ITGA3: variants seen among roughly 807,000 people sequenced by gnomAD.
The protein encoded by ITGA3 is integrin subunit alpha 3, also known as integrin alpha-3.
ITGA3 carries 70 observed loss-of-function variants against 131.1 expected under a neutral mutation model. The observed-to-expected ratio is 0.53, with a 90% CI of 0.44 to 0.65. The LOEUF (loss-of-function observed/expected upper bound fraction) is 0.65. Among genes scored for constraint, ITGA3 ranks in the 30% least tolerant of loss-of-function variants. The pLI is 0.00. For missense variants in ITGA3, 1,098 were observed against 1,388.6 expected (o/e 0.79, Z 3.33); for synonymous variants, 537 against 571.6 (o/e 0.94, Z 0.86).
intron 16 of ITGA3, 111 bp from the exon 17 acceptor site, chr17:50,077,935 G>A (rs981151654): frequency 2.4e-6 from 2 of 826,654 alleles, no homozygotes; most frequent in Middle Eastern, 3.7e-4. Flanking sequence ...ATAGGAGGAG[G>A]AGGAGAAGGC....
chr17:50,073,943 G>A lies in ITGA3; in HGVS notation c.1184G>A (p.Gly395Asp), dbSNP rs765120355. ...QDIAVGAPFE[G>D]LGKVYIYHSS... ...ATTGCTGTGGGAGCTCCGTTTGAAG[G>A]CTTGGGCAAAGTGTACATCTATCAC... Residue 395 changes from glycine to aspartate, a missense_variant, in exon 8 of 26, where the codon GGC becomes GAC. This residue lies in a region of ITGA3 where 356 missense variants were observed against 529.2 expected (regional missense o/e 0.67). Transcript: ENST00000320031. 8 of 1,614,042 alleles carry A rather than the reference G, an allele frequency of 5.0e-6. 1 individual carries two copies. The highest frequency in any genetic ancestry group is 1.3e-5 in the African/African-American group (1 of 74,922).
rs1202287056 is a variant in ITGA3 at position 50,056,430 on chromosome 17, G to C, written c.-10G>C. The C allele has an allele frequency of 6.8e-7, 1 of 1,475,816 alleles. No homozygotes were observed. The highest frequency in any genetic ancestry group is 2.7e-5 in the East Asian group (1 of 36,862). The allele number at this position is 1,475,816 out of a possible 1,614,324, so 91.4% of individuals were successfully genotyped here. A position where few individuals can be genotyped will look rare whatever the true frequency, so the allele number is the denominator to read the frequency against. On this transcript the variant is annotated 5_prime_UTR_variant, in exon 1 of 26. Coordinates refer to ENST00000320031, the MANE Select transcript of ITGA3 (RefSeq NM_002204.4). This position sits in a 1 kb window ranked among gnomAD's most constrained non-coding sequence, Gnocchi z 5.6. ...GCGCTCTCGCCGGGACCCCGCTTCCGCTGGCAGCCATGGGCCCCGGCCCCA... is the reference window on the plus strand; with the variant it reads ...GCGCTCTCGCCGGGACCCCGCTTCCCCTGGCAGCCATGGGCCCCGGCCCCA...
intron 23 of ITGA3, chr17:50,086,406 C>G (rs180929126): frequency 6.6e-6 from 1 of 150,598 alleles, no homozygotes; most frequent in Admixed American, 6.7e-5. Flanking sequence ...AGAACAAACA[C>G]GGCTGGGCAC....
At chr17:50,059,555 A>G (rs1907981943) in intron 1 of ITGA3, among the ~76,000 whole-genome samples, 4 of 152,190 alleles carry the variant, frequency 2.6e-5, no homozygotes, top group Admixed American at 6.5e-5. Context: ...GCCAGCAGAA[A>G]TGGGCACAGC....
At chr17:50,087,539 C>T in intron 23 of ITGA3, 1 of 532,274 alleles carries the variant, frequency 1.9e-6, no homozygotes, top group South Asian at 3.0e-5. Context: ...GGCCGCTCCT[C>T]TGGAGTCAAG....
Position 50,078,820 on chromosome 17 carries a change from C to G in ITGA3, c.2298-4C>G, listed in dbSNP as rs1215807679. The G allele has an allele frequency of 6.3e-7, 1 of 1,583,858 alleles. No individual in the cohort carries two copies. Among genetic ancestry groups the G allele is most frequent in the East Asian group, 2.2e-5 (1 of 44,740 alleles). ...CGTGACTCCAGCATCCTTCTTACCC[C>G]TAGGGTAAATCACCGGCTACAAAGC... is the stretch of plus-strand genomic sequence containing the variant. On this transcript the variant is annotated splice_region_variant and splice_polypyrimidine_tract_variant and intron_variant, in intron 18 of 25. Transcript: ENST00000320031.
In ITGA3 at chr17:50,078,303, C is replaced by T. The variant is rs774305894; in HGVS notation, c.2297+19C>T. ...TTAGCATGTGGGTACCGCTCTCCACCACCCCCACCCCAGCCTGCTGTGCCT... is the reference window on the plus strand; with the variant it reads ...TTAGCATGTGGGTACCGCTCTCCACTACCCCCACCCCAGCCTGCTGTGCCT... On this transcript the variant is annotated intron_variant, in intron 18 of 25. Coordinates refer to ENST00000320031, the MANE Select transcript of ITGA3 (RefSeq NM_002204.4). 2 of 1,599,574 alleles carry T rather than the reference C, an allele frequency of 1.3e-6. No individual in the cohort carries two copies. The highest frequency in any genetic ancestry group is 1.7e-6 in the Non-Finnish European group (2 of 1,168,754).
In ITGA3 at chr17:50,076,198, C is replaced by T. The variant is rs1598190755; in HGVS notation, c.1675-128C>T. 5 of 1,066,534 alleles carry T rather than the reference C, an allele frequency of 4.7e-6. No homozygotes were observed. In the East Asian group the frequency reaches 1.2e-4, roughly 26 times the overall value. 66.1% of individuals were successfully genotyped at this position (1,066,534 alleles called of 1,614,324 possible). On this transcript the variant is annotated intron_variant, in intron 12 of 25. Transcript: ENST00000320031. ...TTTGGCGACCGGACTGGAGGGAGTTCAGCCTAACTGTCAGGTTTTCAGGGT... is the reference window on the plus strand; with the variant it reads ...TTTGGCGACCGGACTGGAGGGAGTTTAGCCTAACTGTCAGGTTTTCAGGGT...
Position 50,089,971 on chromosome 17 carries a change from G to T in ITGA3, c.*893G>T. 4.8e-6 allele frequency: 1 copy of T among 210,504 alleles called. No individual in the cohort carries two copies. The highest frequency in any genetic ancestry group is 1.0e-5 in the Non-Finnish European group (1 of 99,560). 13.0% of individuals were successfully genotyped at this position (210,504 alleles called of 1,614,324 possible). A position where few individuals can be genotyped will look rare whatever the true frequency, so the allele number is the denominator to read the frequency against. On this transcript the variant is annotated 3_prime_UTR_variant, in exon 26 of 26. Coordinates refer to ENST00000320031, the MANE Select transcript of ITGA3 (RefSeq NM_002204.4). Reference sequence around the variant, plus strand: ...GGAACAAAGACAGGCAAACGGCAACGTAGCCTGGGCTCACTGTGCTGGGGC... The same window carrying T: ...GGAACAAAGACAGGCAAACGGCAACTTAGCCTGGGCTCACTGTGCTGGGGC...
chr17:50,079,008 G>A (rs1167790619), intron 19 of ITGA3, 68 bp from the exon 20 acceptor site: 3 of 1,531,774 alleles, frequency 2.0e-6, no homozygotes, highest in East Asian at 2.3e-5. Context: ...AGGTGGGAGG[G>A]TTGGGGGTTG....
chr17:50,085,678 A>G (rs866812463), intron 23 of ITGA3, among the ~76,000 whole-genome samples: 5 of 123,292 alleles, frequency 4.1e-5, no homozygotes, highest in Non-Finnish European at 7.2e-5. Context: ...AAATATATAT[A>G]TTATAGATTT....
chr17:50,066,447 G>C (rs1420531707), intron 3 of ITGA3, among the ~76,000 whole-genome samples: 1 of 151,816 alleles, frequency 6.6e-6, no homozygotes, highest in Non-Finnish European at 1.5e-5. Context: ...GGCCTCCCAA[G>C]TAGTTGGGAT....
rs994296608 is a variant in ITGA3, at chr17:50,071,232, G to C, written c.752-79G>C. ...GAACATCATGGTGGGGGGCAAGAGA[G>C]GGAATAGGGAGATGGGTCCAGAGTA... On this transcript the variant is annotated intron_variant, in intron 5 of 25. Coordinates refer to ENST00000320031, the MANE Select transcript of ITGA3 (RefSeq NM_002204.4). 55 of 1,260,232 alleles carry C rather than the reference G, an allele frequency of 4.4e-5. No individual in the cohort carries two copies. The Middle Eastern group carries it at 7.4e-4, about 17-fold the overall frequency. The allele number at this position is 1,260,232 out of a possible 1,614,324, so 78.1% of individuals were successfully genotyped here.
chr17:50,076,544 G>A (rs754497153), intron 13 of ITGA3, 40 bp from the exon 14 acceptor site: 2 of 1,286,202 alleles, frequency 1.6e-6, no homozygotes, highest in Non-Finnish European at 2.0e-6. Flanking sequence ...AGGGCACTGG[G>A]GGGGGTGGTG....
rs898139838 is a variant in ITGA3, at chr17:50,064,305, C to T, written c.334+101C>T. ...GGAGATAGAAGGCTTGTTCACACGG[C>T]TTCTAGTCGCTTCTTGTCCAGCTGG... is the stretch of plus-strand genomic sequence containing the variant. On this transcript the variant is annotated intron_variant, in intron 2 of 25. Transcript: ENST00000320031. This position sits in a 1 kb window ranked among gnomAD's most constrained non-coding sequence, Gnocchi z 4.4. The T allele has an allele frequency of 6.3e-6, 9 of 1,423,754 alleles. No homozygotes were observed. The African/African-American group carries it at 8.5e-5, about 13-fold the overall frequency. 88.2% of individuals were successfully genotyped at this position (1,423,754 alleles called of 1,614,324 possible).
At chr17:50,074,772 G>T (rs1028620008) in intron 10 of ITGA3, among the ~76,000 whole-genome samples, 4 of 152,210 alleles carry the variant, frequency 2.6e-5, no homozygotes, top group Non-Finnish European at 4.4e-5. Context: ...TGGACGGCCT[G>T]GTTCAAATCC....
At chr17:50,082,664 C>A (rs1344829285) in intron 23 of ITGA3, among the ~76,000 whole-genome samples, 1 of 152,136 alleles carries the variant, frequency 6.6e-6, no homozygotes, top group East Asian at 1.9e-4. Context: ...GAGGTCAAAA[C>A]AAGATCAAAA....
intron 7 of ITGA3, among the ~76,000 whole-genome samples, chr17:50,073,465 G>T (rs1297684299): frequency 6.6e-6 from 1 of 152,096 alleles, no homozygotes. Context: ...GTGTTGGTGT[G>T]TGCCTGTCCC....
At chr17:50,078,171 T>C (rs1909009650) in intron 17 of ITGA3, 36 bp from the exon 18 acceptor site, 1 of 1,613,176 alleles carries the variant, frequency 6.2e-7, no homozygotes, top group African/African-American at 1.3e-5. Context: ...TGAGGTATCT[T>C]GGATCACCTT....
Sources: allele counts gnomAD v4.1 joint callset (sites outside exome capture counted in the v4.1 genomes callset), GRCh38; gene constraint gnomAD v4.1.1; regional missense constraint gnomAD v4.1.1; non-coding constraint Gnocchi (gnomAD v3.1); transcripts MANE v1.5; gene names NCBI Gene and HGNC (gene_info 2026-07-23, HGNC 2026-07-21).